CHRM3: variants seen among roughly 807,000 people sequenced by gnomAD.
The protein encoded by CHRM3 is cholinergic receptor muscarinic 3.
A neutral mutation model predicts 41.8 loss-of-function variants in CHRM3; 11 were observed. The ratio of observed to expected loss-of-function variants is 0.26; its 90% CI spans 0.17 to 0.44. The LOEUF is 0.44. CHRM3 is among the 20% of genes least tolerant of loss of function. The pLI is 1.00. For synonymous variants in CHRM3, 297 were observed against 301.4 expected, an observed-to-expected ratio of 0.99 and a Z score of 0.15; for missense variants, 571 against 745.4, an observed-to-expected ratio of 0.77 and a Z score of 2.72.
At chr1:239,875,268 A>T (rs953406360) in intron 6 of CHRM3, among the ~76,000 whole-genome samples, 2 of 152,138 alleles carry the variant, frequency 1.3e-5, no homozygotes, top group African/African-American at 4.8e-5. Context: ...TATGGCAGAG[A>T]GGTGGCAACT....
At chr1:239,460,445 A>G (rs1378629076) in intron 1 of CHRM3, among the ~76,000 whole-genome samples, 1 of 152,200 alleles carries the variant, frequency 6.6e-6, no homozygotes, top group Non-Finnish European at 1.5e-5. Context: ...ATTGGTATCC[A>G]GTGAAACTAG....
At chr1:239,876,739 G>A (rs1376922232) in intron 6 of CHRM3, among the ~76,000 whole-genome samples, 1 of 152,190 alleles carries the variant, frequency 6.6e-6, no homozygotes. Context: ...AAAGTAGGAA[G>A]CCAATTGAGG....
chr1:239,470,562 T>TAACCTTAACCAACTG (rs1666043162), intron 1 of CHRM3, among the ~76,000 whole-genome samples: 1 of 152,164 alleles, frequency 6.6e-6, no homozygotes, highest in Admixed American at 6.5e-5. Flanking sequence ...CACTGTGGTG[T>TAACCTTAACCAACTG]GAACCTTAAC....
intron 6 of CHRM3, among the ~76,000 whole-genome samples, chr1:239,866,018 A>T (rs528290152): frequency 1.3e-5 from 2 of 152,112 alleles, no homozygotes; most frequent in Non-Finnish European, 2.9e-5. Flanking sequence ...CAACAGCTGT[A>T]TGATGGGGGC....
chr1:239,530,702 AAACTT>A (rs1183522412), intron 2 of CHRM3, among the ~76,000 whole-genome samples: 10 of 152,200 alleles, frequency 6.6e-5, no homozygotes, highest in African/African-American at 2.2e-4. Flanking sequence ...AACAAAATGA[AAACTT>A]AGAGAGGAGC....
chr1:239,735,346 A>G (rs1664305707), intron 5 of CHRM3, among the ~76,000 whole-genome samples: 1 of 152,186 alleles, frequency 6.6e-6, no homozygotes. Context: ...AGTCGTGTTC[A>G]GCACTTGCCT....
At chr1:239,685,155 A>G (rs1439420763) in intron 5 of CHRM3, among the ~76,000 whole-genome samples, 1 of 151,928 alleles carries the variant, frequency 6.6e-6, no homozygotes, top group African/African-American at 2.4e-5. Context: ...GCTTTGTCTT[A>G]CTCTGCAACT....
chr1:239,864,538 A>G (rs10925997), intron 6 of CHRM3, among the ~76,000 whole-genome samples: 46,479 of 143,182 alleles, frequency 0.32, 7,776 homozygotes, highest in Admixed American at 0.41. Flanking sequence ...ACACACACAC[A>G]CACACACGCA....
At chr1:239,663,590 A>T (rs150214114) in intron 4 of CHRM3, among the ~76,000 whole-genome samples, 1 of 152,346 alleles carries the variant, frequency 6.6e-6, no homozygotes, top group East Asian at 1.9e-4. Flanking sequence ...AAGCACAATA[A>T]CTAAAACTGA....
rs371434723 is a variant in CHRM3 at position 239,528,238 on chromosome 1, T to A, written c.-421-17403T>A. ...TCTTTGTGTGATGAGATATGACAAG[T>A]CTTTAGATTTTTTCCTATTAGTACC... On this transcript the variant is annotated intron_variant, in intron 2 of 6. Coordinates refer to ENST00000676153, the MANE Select transcript of CHRM3 (RefSeq NM_001375978.1). Among the ~76,000 whole-genome samples the A allele has an allele frequency of 2.0e-5, 3 of 152,246 alleles. No homozygotes were observed. The East Asian group carries it at 5.8e-4, about 29-fold the overall frequency.
Position 239,908,603 on chromosome 1 carries a change from C to T in CHRM3, c.1152C>T (p.Pro384=), listed in dbSNP as rs139780487. The T allele has an allele frequency of 2.1e-4, 331 of 1,604,496 alleles. No individual in the cohort carries two copies. Among genetic ancestry groups the T allele is most frequent in the Middle Eastern group, 1.8e-3 (11 of 6,034 alleles). Residue 384 remains proline, a synonymous_variant, in exon 7 of 7, where the codon CCC becomes CCT. Transcript: ENST00000676153. This position sits in a 1 kb window ranked among gnomAD's most constrained non-coding sequence, Gnocchi z 7.2. ...CCATCCTCAACTCCACCAAGTTACC[C>T]TCATCGGACAACCTGCAGGTGCCTG... ...HSTILNSTKL[P]SSDNLQVPEE... is the part of the protein sequence containing the mutation.
At chr1:239,499,156 A>G (rs1244610827) in intron 2 of CHRM3, among the ~76,000 whole-genome samples, 1 of 152,118 alleles carries the variant, frequency 6.6e-6, no homozygotes, top group Admixed American at 6.6e-5. Flanking sequence ...CTTCAACTTG[A>G]TAGGTTACTT....
rs149309187 is a variant in CHRM3 at position 239,753,300 on chromosome 1, A to G, written c.-146-73952A>G. Among the ~76,000 whole-genome samples, 1,245 of 152,238 alleles carry G rather than the reference A, an allele frequency of 8.2e-3. 18 individuals carry two copies. Among genetic ancestry groups the G allele is most frequent in the African/African-American group, 0.029 (1,187 of 41,532 alleles). ...CCTAATATTAATAATGTATAAGTCCATTCTCACACTGCTATAAAGAACTAC... is the reference window on the plus strand; with the variant it reads ...CCTAATATTAATAATGTATAAGTCCGTTCTCACACTGCTATAAAGAACTAC... On this transcript the variant is annotated intron_variant, in intron 5 of 6. Transcript: ENST00000676153.
In CHRM3 at chr1:239,472,880, T is replaced by C. The variant is rs12120903; in HGVS notation, c.-520-19829T>C. On this transcript the variant is annotated intron_variant, in intron 1 of 6. Transcript: ENST00000676153. ...TATCCTGCACGTGTACCCCAGAACT[T>C]AAAATTAAAATTAAGAAAACTATAG... is the stretch of plus-strand genomic sequence containing the variant. 6.4e-3 allele frequency among the ~76,000 whole-genome samples: 976 copies of C among 152,224 alleles called. 7 individuals carry two copies. Among genetic ancestry groups the C allele is most frequent in the Non-Finnish European group, 0.01 (712 of 68,008 alleles).
intron 2 of CHRM3, among the ~76,000 whole-genome samples, chr1:239,514,355 T>C (rs2148218885): frequency 1.4e-5 from 1 of 72,404 alleles, no homozygotes. Flanking sequence ...TTTTTTTAAG[T>C]CTTATTTCTA....
At chr1:239,802,149 T>C (rs1461529049) in intron 5 of CHRM3, among the ~76,000 whole-genome samples, 4 of 152,198 alleles carry the variant, frequency 2.6e-5, no homozygotes, top group Admixed American at 6.5e-5. Context: ...AAGTTCAAGT[T>C]TGGATGAAGC....
intron 5 of CHRM3, among the ~76,000 whole-genome samples, chr1:239,733,206 T>C (rs1664109886): frequency 6.6e-6 from 1 of 152,046 alleles, no homozygotes; most frequent in Admixed American, 6.6e-5. Flanking sequence ...AACCTCTGTA[T>C]GCCCTCTAAT....
intron 1 of CHRM3, among the ~76,000 whole-genome samples, chr1:239,456,127 T>C: frequency 6.6e-6 from 1 of 152,126 alleles, no homozygotes; most frequent in East Asian, 1.9e-4. Flanking sequence ...CTTTGATACT[T>C]TTTTTGAGAG....
intron 1 of CHRM3, among the ~76,000 whole-genome samples, chr1:239,474,195 T>C (rs1666320150): frequency 6.6e-6 from 1 of 152,098 alleles, no homozygotes; most frequent in Non-Finnish European, 1.5e-5. Context: ...CTTTTACTTA[T>C]AAAATTAGAA....
Sources: gnomAD v4.1 joint callset for allele counts (sites outside exome capture counted in the v4.1 genomes callset) on GRCh38, gnomAD v4.1.1 for gene constraint, Gnocchi (gnomAD v3.1) non-coding constraint, MANE v1.5 for transcripts, NCBI Gene and HGNC (gene_info 2026-07-23, HGNC 2026-07-21) for gene names.